Variants in MIPEP observed in about 807,000 individuals in gnomAD.
MIPEP encodes the protein mitochondrial intermediate peptidase.
A neutral mutation model predicts 90.3 loss-of-function variants in MIPEP; 79 were observed. The ratio of observed to expected loss-of-function variants is 0.87; its 90% confidence interval spans 0.73 to 1.05. MIPEP has a LOEUF of 1.05. Ranked by LOEUF, MIPEP falls within the 50% of genes least tolerant of loss-of-function variation. MIPEP has a pLI of 0.00. For missense variants in MIPEP, 940 were observed against 905.6 expected, an observed-to-expected ratio of 1.04 and a Z score of -0.49; for synonymous variants, 334 against 315.8, an observed-to-expected ratio of 1.06 and a Z score of -0.61.
At chr13:23,868,802 G>C (rs1226695125) in intron 7 of MIPEP, among the ~76,000 whole-genome samples, 1 of 152,196 alleles carries the variant, frequency 6.6e-6, no homozygotes, top group East Asian at 1.9e-4. Context: ...CACAAGGCAA[G>C]TTTATGACAA....
In MIPEP at chr13:23,746,193, T is replaced by C. The variant is rs563513802; in HGVS notation, c.2044+10352A>G. Among the ~76,000 whole-genome samples the C allele has an allele frequency of 2.3e-3, 352 of 151,286 alleles. 1 individual carries two copies. The highest frequency in any genetic ancestry group is 8.3e-3 in the African/African-American group (342 of 41,380). On this transcript the variant is annotated intron_variant, in intron 18 of 18. Transcript: ENST00000382172. Reference sequence around the variant, plus strand: ...CACAGCCAGCAAATTTCTGTATTTTTAGTACAGATGGAGTTTCACCATGTT... The same window carrying C: ...CACAGCCAGCAAATTTCTGTATTTTCAGTACAGATGGAGTTTCACCATGTT...
chr13:23,760,181 C>G lies in MIPEP; in HGVS notation c.1885G>C (p.Gly629Arg), dbSNP rs1445082483. Residue 629 changes from glycine to arginine, a missense_variant, in exon 17 of 19, where the codon GGT (glycine) becomes CGT (arginine). Physicochemically the swap from Gly to Arg is moderately radical, Grantham distance 125. Transcript: ENST00000382172. ...ATGAGGTAAGAGTAATATCTAGCAC[C>G]ATACCCCACGAGGTGGCTGAATCGC... The part of the protein sequence containing the change: ...QLRFSHLVGY[G>R]ARYYSYLMSR... 1 of 1,614,088 alleles carries G rather than the reference C, an allele frequency of 6.2e-7. No individual in the cohort carries two copies. Among genetic ancestry groups the G allele is most frequent in the South Asian group, 1.1e-5 (1 of 91,074 alleles).
chr13:23,873,754 A>C (rs1272737045), intron 5 of MIPEP, among the ~76,000 whole-genome samples: 1 of 152,178 alleles, frequency 6.6e-6, no homozygotes, highest in Non-Finnish European at 1.5e-5. Context: ...CTAACTCCCA[A>C]ATTTTATTTT....
chr13:23,853,311 G>A (rs992376952), intron 10 of MIPEP, among the ~76,000 whole-genome samples: 1 of 152,128 alleles, frequency 6.6e-6, no homozygotes, highest in African/African-American at 2.4e-5. Context: ...TTTGTGGTAA[G>A]AGCCCTATAC....
At chr13:23,776,224 G>A (rs145048472) in intron 16 of MIPEP, among the ~76,000 whole-genome samples, 307 of 152,158 alleles carry the variant, frequency 2.0e-3, no homozygotes, top group Non-Finnish European at 3.3e-3. Context: ...AAGCCTCTGA[G>A]CAGACATAAA....
At position 23,732,596 on chromosome 13, in the gene MIPEP, T is replaced by C. The variant is rs1952218256; in HGVS notation, c.2045-2151A>G. 2.0e-5 allele frequency among the ~76,000 whole-genome samples: 3 copies of C among 152,168 alleles called. No individual in the cohort carries two copies. In the South Asian group the frequency reaches 6.2e-4, roughly 32 times the overall value. ...TACTCAGCAACAAAAAGGAACAAAC[T>C]ATTCATACATGCAACAACACAAACG... is the stretch of plus-strand genomic sequence containing the variant. On this transcript the variant is annotated intron_variant, in intron 18 of 18. Coordinates refer to ENST00000382172, the MANE Select transcript of MIPEP (RefSeq NM_005932.4).
At position 23,885,685 on chromosome 13, in the gene MIPEP, T is replaced by TA. The variant is rs985552322; in HGVS notation, c.363+647dup. Among the ~76,000 whole-genome samples, 860 of 144,352 alleles carry TA rather than the reference T, an allele frequency of 6.0e-3. 8 individuals are homozygous for TA. The highest frequency in any genetic ancestry group is 0.021 in the African/African-American group (812 of 39,494). 94.7% of individuals were successfully genotyped at this position (144,352 alleles called of 152,430 possible). ...CACTTCTATTTCAAATTTAAAATGT[T>TA]AAAAAAAAAAAGTCTTTACAATCAT... On this transcript the variant is annotated intron_variant, in intron 2 of 18. Transcript: ENST00000382172.
chr13:23,802,879 G>A (rs1235397697), intron 16 of MIPEP, among the ~76,000 whole-genome samples: 1 of 152,196 alleles, frequency 6.6e-6, no homozygotes, highest in African/African-American at 2.4e-5. Flanking sequence ...TTGCCCAACT[G>A]TAGGCTAACA....
At chr13:23,772,963 G>A (rs1299986507) in intron 16 of MIPEP, among the ~76,000 whole-genome samples, 1 of 151,954 alleles carries the variant, frequency 6.6e-6, no homozygotes, top group African/African-American at 2.4e-5. Flanking sequence ...ACAAAATTGT[G>A]CAACTTTAAA....
At chr13:23,793,333 G>A (rs1035458783) in intron 16 of MIPEP, among the ~76,000 whole-genome samples, 3 of 152,156 alleles carry the variant, frequency 2.0e-5, no homozygotes, top group African/African-American at 4.8e-5. Context: ...CACAAAAGAG[G>A]ATTTCTGTAT....
intron 17 of MIPEP, among the ~76,000 whole-genome samples, chr13:23,757,720 TG>T (rs1952502567): frequency 1.3e-5 from 2 of 152,168 alleles, no homozygotes; most frequent in South Asian, 4.1e-4. Flanking sequence ...TCTGGTACTC[TG>T]TGTCACCTGG....
chr13:23,810,501 T>C (rs1953159987), intron 14 of MIPEP, among the ~76,000 whole-genome samples: 1 of 152,230 alleles, frequency 6.6e-6, no homozygotes, highest in African/African-American at 2.4e-5. Context: ...TTGAGATGAA[T>C]TAGGCCTAAC....
At chr13:23,785,463 C>G (rs1183358561) in intron 16 of MIPEP, among the ~76,000 whole-genome samples, 4 of 105,266 alleles carry the variant, frequency 3.8e-5, no homozygotes, top group Non-Finnish European at 7.3e-5. Context: ...CATCATACAC[C>G]GGGGCCTGTC....
chr13:23,768,232 C>A (rs527467040), intron 16 of MIPEP, among the ~76,000 whole-genome samples: 1 of 152,300 alleles, frequency 6.6e-6, no homozygotes, highest in South Asian at 2.1e-4. Flanking sequence ...AGTTTACACC[C>A]GGCTTGATTT....
At chr13:23,872,825 C>T (rs922123378) in intron 5 of MIPEP, among the ~76,000 whole-genome samples, 9 of 126,136 alleles carry the variant, frequency 7.1e-5, no homozygotes, top group African/African-American at 2.5e-4. Context: ...CATAAGGATA[C>T]ATTAAAACTA....
intron 14 of MIPEP, among the ~76,000 whole-genome samples, chr13:23,816,973 G>C (rs1007945130): frequency 1.3e-5 from 2 of 152,128 alleles, no homozygotes; most frequent in Non-Finnish European, 2.9e-5. Flanking sequence ...TTCCACCCAT[G>C]ATCTGCCACA....
intron 16 of MIPEP, among the ~76,000 whole-genome samples, chr13:23,803,577 C>G (rs763902796): frequency 4.6e-5 from 7 of 152,152 alleles, no homozygotes; most frequent in Non-Finnish European, 8.8e-5. Flanking sequence ...ATCCAATAAT[C>G]TACAGTGTCA....
At chr13:23,884,234 C>CTA (rs1282477193) in intron 2 of MIPEP, among the ~76,000 whole-genome samples, 1 of 145,784 alleles carries the variant, frequency 6.9e-6, no homozygotes, top group Admixed American at 6.9e-5. Flanking sequence ...GGGGGTGTGA[C>CTA]TACAGGGAGA....
At chr13:23,812,271 A>T (rs1160524754) in intron 14 of MIPEP, among the ~76,000 whole-genome samples, 1 of 152,098 alleles carries the variant, frequency 6.6e-6, no homozygotes, top group Non-Finnish European at 1.5e-5. Flanking sequence ...TAGGAGTGAG[A>T]TTTGCCAAAT....
Sources: gnomAD v4.1 joint callset for allele counts (sites outside exome capture counted in the v4.1 genomes callset) on GRCh38, gnomAD v4.1.1 for gene constraint, MANE v1.5 for transcripts, NCBI Gene and HGNC (gene_info 2026-07-23, HGNC 2026-07-21) for gene names.